CRACDL: variants seen among roughly 807,000 people sequenced by gnomAD.
CRACDL encodes CRACD-like protein.
CRACDL carries 26 observed loss-of-function variants against 70.6 expected under a neutral mutation model. That is an observed-to-expected ratio of 0.37 (90% CI 0.27 to 0.51). CRACDL has a LOEUF of 0.51. Ranked by LOEUF, CRACDL falls within the 20% of genes least tolerant of loss-of-function variation. The pLI is 0.94. For missense variants in CRACDL, 1,283 were observed against 1,376.9 expected, an observed-to-expected ratio of 0.93 and a Z score of 1.08; for synonymous variants, 618 against 615.2, an observed-to-expected ratio of 1.00 and a Z score of -0.07.
chr2:98,850,809 C>T (rs987750197), intron 1 of CRACDL, among the ~76,000 whole-genome samples: 4 of 152,128 alleles, frequency 2.6e-5, no homozygotes, highest in African/African-American at 9.7e-5. Context: ...ATGTGGGGGC[C>T]GCCCCACTCC....
At position 98,865,149 on chromosome 2, in the gene CRACDL, C is replaced by A. The variant is rs1446597485; in HGVS notation, c.-10-18339G>T. ...CACCAGCAGAATGCGTGCCTCAGCCCTGCTCTCCCTCCACCAATAGCACTC... is the reference window on the plus strand; with the variant it reads ...CACCAGCAGAATGCGTGCCTCAGCCATGCTCTCCCTCCACCAATAGCACTC... On this transcript the variant is annotated intron_variant, in intron 1 of 9. Coordinates refer to ENST00000397899, the MANE Select transcript of CRACDL (RefSeq NM_207362.3). Among the ~76,000 whole-genome samples the A allele has an allele frequency of 3.3e-5, 5 of 152,216 alleles. No homozygotes were observed. The East Asian group carries it at 9.7e-4, about 30-fold the overall frequency.
intron 9 of CRACDL, among the ~76,000 whole-genome samples, chr2:98,795,043 A>ATATAAAAATT (rs1249596809): frequency 0.048 from 460 of 9,578 alleles, 104 homozygotes; most frequent in South Asian, 0.11. Flanking sequence ...AATTAAAAAT[A>ATATAAAAATT]TATATATATA....
At chr2:98,890,822 C>T (rs1707944891) in intron 1 of CRACDL, among the ~76,000 whole-genome samples, 2 of 152,054 alleles carry the variant, frequency 1.3e-5, no homozygotes, top group Admixed American at 6.6e-5. Context: ...ATTGGGAGGC[C>T]GAGGTGGGTG....
intron 6 of CRACDL, among the ~76,000 whole-genome samples, chr2:98,825,083 TC>T (rs201225659): frequency 0.03 from 4,548 of 152,204 alleles, 88 homozygotes; most frequent in Middle Eastern, 0.065. Context: ...AGCACCTTGA[TC>T]CCTGAGAGGG....
At chr2:98,845,265 T>C (rs1706209927) in intron 2 of CRACDL, among the ~76,000 whole-genome samples, 1 of 151,250 alleles carries the variant, frequency 6.6e-6, no homozygotes, top group African/African-American at 2.4e-5. Flanking sequence ...GGCATAATCA[T>C]GGCCCACTGT....
chr2:98,869,955 G>A (rs1707285058), intron 1 of CRACDL, among the ~76,000 whole-genome samples: 1 of 152,156 alleles, frequency 6.6e-6, no homozygotes, highest in African/African-American at 2.4e-5. Context: ...AAACCTGACA[G>A]GTGCAGGGGC....
At chr2:98,855,959 A>G (rs1706682851) in intron 1 of CRACDL, among the ~76,000 whole-genome samples, 1 of 152,200 alleles carries the variant, frequency 6.6e-6, no homozygotes, top group Non-Finnish European at 1.5e-5. Flanking sequence ...AAAAAAATGA[A>G]CAGAGACTCA....
intron 1 of CRACDL, chr2:98,897,527 T>A: frequency 4.5e-6 from 2 of 447,600 alleles, no homozygotes; most frequent in South Asian, 2.7e-5. Context: ...GTTTCATAAC[T>A]TTTTCTGGTC....
chr2:98,795,049 A>T (rs55693945), intron 9 of CRACDL, among the ~76,000 whole-genome samples: 2,657 of 17,898 alleles, frequency 0.15, 490 homozygotes, highest in East Asian at 0.26. Flanking sequence ...AAATATATAT[A>T]TATATATATA....
chr2:98,816,497 G>A (rs1244638597), intron 7 of CRACDL, among the ~76,000 whole-genome samples: 1 of 152,180 alleles, frequency 6.6e-6, no homozygotes, highest in Admixed American at 6.5e-5. Context: ...CTGTGCTGGA[G>A]GTGGCATTGA....
chr2:98,855,997 C>A (rs1428149197), intron 1 of CRACDL, among the ~76,000 whole-genome samples: 1 of 151,984 alleles, frequency 6.6e-6, no homozygotes, highest in East Asian at 1.9e-4. Context: ...ATTAACTATA[C>A]AAATATTCAG....
chr2:98,932,965 G>A (rs1481303505), intron 1 of CRACDL, among the ~76,000 whole-genome samples: 3 of 152,166 alleles, frequency 2.0e-5, no homozygotes, highest in African/African-American at 7.2e-5. Flanking sequence ...GAGGAGCAGG[G>A]GTGGGGCTGA....
intron 1 of CRACDL, among the ~76,000 whole-genome samples, chr2:98,898,208 C>G (rs925887): frequency 0.51 from 77,911 of 152,156 alleles, 21,609 homozygotes; most frequent in African/African-American, 0.72. Context: ...AGGCTTAACT[C>G]TCAGACAGTA....
At chr2:98,810,507 G>A (rs1010424032) in intron 7 of CRACDL, among the ~76,000 whole-genome samples, 2 of 152,126 alleles carry the variant, frequency 1.3e-5, no homozygotes, top group African/African-American at 2.4e-5. Context: ...TAAAGATGAG[G>A]CTGGCATGGG....
At chr2:98,846,951 A>T in intron 1 of CRACDL, 141 bp from the exon 2 acceptor site, 1 of 661,554 alleles carries the variant, frequency 1.5e-6, no homozygotes, top group Admixed American at 2.2e-5. Flanking sequence ...AGTGCAGCAC[A>T]GTACAGGCCA....
intron 1 of CRACDL, among the ~76,000 whole-genome samples, chr2:98,868,253 C>T (rs144174711): frequency 2.0e-5 from 3 of 152,324 alleles, no homozygotes; most frequent in African/African-American, 4.8e-5. Flanking sequence ...TCCCAGAGCA[C>T]CCTCCAAGCC....
At chr2:98,901,861 G>C (rs896764356) in intron 1 of CRACDL, among the ~76,000 whole-genome samples, 2 of 152,124 alleles carry the variant, frequency 1.3e-5, no homozygotes, top group Non-Finnish European at 2.9e-5. Context: ...ACTGCGCCCA[G>C]CTGGCTGCAC....
At chr2:98,883,089 A>T (rs1707701212) in intron 1 of CRACDL, among the ~76,000 whole-genome samples, 1 of 152,228 alleles carries the variant, frequency 6.6e-6, no homozygotes, top group Non-Finnish European at 1.5e-5. Flanking sequence ...AGTGAGACAG[A>T]CATAGGCAGA....
intron 4 of CRACDL, 131 bp from the exon 5 acceptor site, chr2:98,832,643 G>A (rs776016574): frequency 4.9e-5 from 50 of 1,020,016 alleles, no homozygotes; most frequent in Non-Finnish European, 6.5e-5. Context: ...TGAACTGAAC[G>A]TGCATCTGCC....
Sources: allele counts gnomAD v4.1 joint callset (sites outside exome capture counted in the v4.1 genomes callset), GRCh38; gene constraint gnomAD v4.1.1; transcripts MANE v1.5; gene names NCBI Gene and HGNC (gene_info 2026-07-23, HGNC 2026-07-21).